PRKG1: variants seen among roughly 807,000 people sequenced by gnomAD.
PRKG1 encodes the protein cGMP-dependent protein kinase 1.
In PRKG1, 35 loss-of-function variants were observed where a neutral mutation model predicts 88.1. The observed-to-expected ratio is 0.40, with a 90% CI of 0.30 to 0.53. The LOEUF (loss-of-function observed/expected upper bound fraction) is 0.53. Ranked by LOEUF, PRKG1 falls within the 20% of genes least tolerant of loss-of-function variation. The pLI, the probability that PRKG1 is intolerant of heterozygous loss-of-function variation, is 0.59. For synonymous variants in PRKG1, 303 were observed against 292.5 expected, an observed-to-expected ratio of 1.04 and a Z score of -0.37; for missense variants, 540 against 839.8, an observed-to-expected ratio of 0.64 and a Z score of 4.41.
At chr10:51,804,096 T>C (rs931502960) in intron 3 of PRKG1, among the ~76,000 whole-genome samples, 1 of 152,166 alleles carries the variant, frequency 6.6e-6, no homozygotes, top group Non-Finnish European at 1.5e-5. Context: ...AATCATTGTG[T>C]AACTATTATT....
intron 4 of PRKG1, among the ~76,000 whole-genome samples, chr10:51,898,814 ACT>A (rs761107274): frequency 9.2e-5 from 14 of 152,026 alleles, no homozygotes; most frequent in African/African-American, 3.4e-4. Context: ...ACAGAGCAAA[ACT>A]CTGTCTCTAA....
intron 2 of PRKG1, among the ~76,000 whole-genome samples, chr10:51,447,698 A>C (rs761810694): frequency 6.6e-6 from 1 of 151,936 alleles, no homozygotes; most frequent in Non-Finnish European, 1.5e-5. Context: ...CCATTTCCAT[A>C]ACTAGACATA....
chr10:51,766,383 G>T (rs1325923233), intron 3 of PRKG1, among the ~76,000 whole-genome samples: 1 of 152,044 alleles, frequency 6.6e-6, no homozygotes, highest in Non-Finnish European at 1.5e-5. Context: ...GCATGTTTTA[G>T]GGGACAGAAT....
At chr10:51,763,090 T>G (rs1838063117) in intron 3 of PRKG1, among the ~76,000 whole-genome samples, 1 of 152,208 alleles carries the variant, frequency 6.6e-6, no homozygotes, top group Non-Finnish European at 1.5e-5. Flanking sequence ...AAGGTTATAA[T>G]CTATATGATA....
intron 3 of PRKG1, among the ~76,000 whole-genome samples, chr10:51,766,303 G>A (rs1838161245): frequency 6.6e-6 from 1 of 152,164 alleles, no homozygotes; most frequent in South Asian, 2.1e-4. Flanking sequence ...TCTCCACCCT[G>A]TCCTCCTAGT....
At chr10:52,153,379 T>G (rs1272157255) in intron 8 of PRKG1, among the ~76,000 whole-genome samples, 3 of 152,164 alleles carry the variant, frequency 2.0e-5, no homozygotes, top group Non-Finnish European at 4.4e-5. Context: ...TGTGTACAAG[T>G]AATAAGGAAG....
At chr10:52,103,079 G>A (rs1056558389) in intron 7 of PRKG1, among the ~76,000 whole-genome samples, 2 of 152,040 alleles carry the variant, frequency 1.3e-5, no homozygotes, top group South Asian at 2.1e-4. Flanking sequence ...CTGCACATGC[G>A]AGGGATCTAG....
chr10:51,466,401 A>T (rs1839906246), intron 2 of PRKG1, among the ~76,000 whole-genome samples: 1 of 152,056 alleles, frequency 6.6e-6, no homozygotes, highest in South Asian at 2.1e-4. Flanking sequence ...ACAGAGGGGC[A>T]TGCATACACC....
intron 9 of PRKG1, among the ~76,000 whole-genome samples, chr10:52,166,669 A>G (rs1838449553): frequency 6.9e-6 from 1 of 143,916 alleles, no homozygotes; most frequent in African/African-American, 2.7e-5. Flanking sequence ...CCAGAAATAT[A>G]AAAAAATTAA....
intron 7 of PRKG1, among the ~76,000 whole-genome samples, chr10:52,107,937 T>G (rs1847463984): frequency 6.6e-6 from 1 of 152,220 alleles, no homozygotes; most frequent in Non-Finnish European, 1.5e-5. Flanking sequence ...CATGGTAAAA[T>G]GTGTCATGAA....
intron 7 of PRKG1, among the ~76,000 whole-genome samples, chr10:52,119,254 T>C (rs1476745770): frequency 6.6e-6 from 1 of 152,164 alleles, no homozygotes; most frequent in African/African-American, 2.4e-5. Flanking sequence ...AGTATCGACA[T>C]GCATAAAATC....
chr10:51,343,216 T>C (rs1842040444), intron 2 of PRKG1, among the ~76,000 whole-genome samples: 1 of 152,204 alleles, frequency 6.6e-6, no homozygotes, highest in Non-Finnish European at 1.5e-5. Context: ...ATATCTTTTT[T>C]TTCCTTCCAT....
At chr10:52,249,618 A>G (rs1841120350) in intron 9 of PRKG1, among the ~76,000 whole-genome samples, 2 of 152,144 alleles carry the variant, frequency 1.3e-5, no homozygotes, top group Non-Finnish European at 2.9e-5. Context: ...TAATAACACC[A>G]TACTTTGAAT....
intron 4 of PRKG1, among the ~76,000 whole-genome samples, chr10:51,811,760 G>T (rs1234804004): frequency 6.6e-6 from 1 of 152,100 alleles, no homozygotes; most frequent in Non-Finnish European, 1.5e-5. Flanking sequence ...TGAAGATCTT[G>T]CCTAAGTTGT....
rs537989776 is a variant in PRKG1, at chr10:52,270,924, G to C, written c.1174-426G>C. Among the ~76,000 whole-genome samples the C allele has an allele frequency of 1.5e-4, 23 of 151,886 alleles. 1 individual carries two copies. The highest frequency in any genetic ancestry group is 5.5e-4 in the African/African-American group (23 of 41,466). The stretch of plus-strand genomic sequence containing the variant: ...AAAAATTAGAAATGTTTGTGGATTA[G>C]AACTAAGGAGGAAGAATATAAAGGC... On this transcript the variant is annotated intron_variant, in intron 10 of 17. Coordinates refer to ENST00000373980, the MANE Select transcript of PRKG1 (RefSeq NM_006258.4).
intron 7 of PRKG1, among the ~76,000 whole-genome samples, chr10:52,104,642 G>A (rs11000792): frequency 0.39 from 59,717 of 151,914 alleles, 11,792 homozygotes; most frequent in South Asian, 0.46. Flanking sequence ...TGGACTAAAT[G>A]ATATATAAAT....
chr10:51,649,986 C>T (rs146261058), intron 3 of PRKG1, among the ~76,000 whole-genome samples: 5 of 152,176 alleles, frequency 3.3e-5, no homozygotes, highest in African/African-American at 9.7e-5. Context: ...TGTGAGACTA[C>T]GTAGGTCTCT....
Position 52,256,764 on chromosome 10 carries a change from A to G in PRKG1, c.1173+5098A>G, listed in dbSNP as rs1841318260. On this transcript the variant is annotated intron_variant, in intron 10 of 17. Transcript: ENST00000373980. The stretch of plus-strand genomic sequence containing the variant: ...GCCTGAGAGTGCAACCATTATTCCA[A>G]TATAAGTAAGAGCCAGAGGTCTTCA... Among the ~76,000 whole-genome samples the G allele has an allele frequency of 2.9e-5, 4 of 139,636 alleles. 2 individuals are homozygous for G. The South Asian group carries it at 9.2e-4, about 32-fold the overall frequency. The allele number at this position is 139,636 out of a possible 152,430, so 91.6% of individuals were successfully genotyped here.
chr10:51,972,842 G>T (rs961574411), intron 5 of PRKG1, among the ~76,000 whole-genome samples: 1 of 148,050 alleles, frequency 6.8e-6, no homozygotes, highest in South Asian at 2.1e-4. Flanking sequence ...TTGATATAGG[G>T]TTTTTTTTTT....
Sources: gnomAD v4.1 joint callset for allele counts (sites outside exome capture counted in the v4.1 genomes callset) on GRCh38, gnomAD v4.1.1 for gene constraint, MANE v1.5 for transcripts, NCBI Gene and HGNC (gene_info 2026-07-23, HGNC 2026-07-21) for gene names.